LEMD2: variants seen among roughly 807,000 people sequenced by gnomAD.
LEMD2 encodes the protein LEM domain-containing protein 2.
LEMD2 carries 34 observed loss-of-function variants against 58.8 expected under a neutral mutation model. The ratio of observed to expected loss-of-function variants is 0.58; its 90% CI spans 0.44 to 0.77. LEMD2 has a LOEUF of 0.77. LEMD2 is among the 30% of genes least tolerant of loss of function. LEMD2 has a pLI of 0.00. For missense variants in LEMD2, 629 were observed against 717.9 expected (o/e 0.88, Z 1.42); for synonymous variants, 298 against 308.9 (o/e 0.96, Z 0.37).
At chr6:33,780,299 T>G in intron 4 of LEMD2, 120 bp from the exon 5 acceptor site, 1 of 860,044 alleles carries the variant, frequency 1.2e-6, no homozygotes, top group South Asian at 1.4e-5. Context: ...AACCCTGTTC[T>G]GCTAAAAGCA....
intron 8 of LEMD2, among the ~76,000 whole-genome samples, chr6:33,775,895 C>T (rs993966197): frequency 7.2e-5 from 11 of 152,202 alleles, no homozygotes; most frequent in African/African-American, 2.4e-4. Flanking sequence ...CAAGGGTGAG[C>T]TCTCAGCATC....
In LEMD2 at chr6:33,776,979, C is replaced by T. The variant is rs766682595; in HGVS notation, c.1336G>A (p.Asp446Asn). The change falls in exon 8 of 9, where the codon GAC becomes AAC. Residue 446 changes from aspartate (D) to asparagine (N), a missense_variant. Asp to Asn is a conservative substitution (Grantham distance 23, BLOSUM62 1). Transcript: ENST00000293760. The part of the protein sequence containing the change: ...YPYVGILHVR[D>N]SLIPPQSRRR... ...CGGCTCTGTGGAGGGATCAAGCTGT[C>T]GCGCACGTGCAGGATGCCTACATAT... is the stretch of plus-strand genomic sequence containing the variant. 5 of 1,613,842 alleles carry T rather than the reference C, an allele frequency of 3.1e-6. No individual in the cohort carries two copies. The highest frequency in any genetic ancestry group is 1.7e-5 in the Admixed American group (1 of 60,016).
rs1001143148 is a variant in LEMD2 at position 33,772,448 on chromosome 6, C to T, written c.*180G>A. The T allele has an allele frequency of 1.3e-4, 72 of 558,130 alleles. No homozygotes were observed. Among genetic ancestry groups the T allele is most frequent in the Non-Finnish European group, 1.2e-5 (4 of 324,252 alleles). The allele number at this position is 558,130 out of a possible 1,614,324, so 34.6% of individuals were successfully genotyped here. On this transcript the variant is annotated 3_prime_UTR_variant, in exon 9 of 9. Transcript: ENST00000293760. ...TCTCCCCCTCCCTTTAAAGGAAGCCCACATTTTCCTGCGAGCCGAACTCCT... is the reference window on the plus strand; with the variant it reads ...TCTCCCCCTCCCTTTAAAGGAAGCCTACATTTTCCTGCGAGCCGAACTCCT...
At chr6:33,788,279 G>T in intron 1 of LEMD2, 102 bp downstream of exon 1, 1 of 1,238,492 alleles carries the variant, frequency 8.1e-7, no homozygotes, top group Non-Finnish European at 1.1e-6. Flanking sequence ...AGAGGCAGCT[G>T]ACAAGGCCGG....
rs758804005 is a variant in LEMD2, at chr6:33,784,440, G to A, written c.778-13C>T. The A allele has an allele frequency of 3.2e-5, 35 of 1,079,946 alleles. No individual in the cohort carries two copies. The highest frequency in any genetic ancestry group is 3.9e-5 in the Non-Finnish European group (30 of 771,152). The allele number at this position is 1,079,946 out of a possible 1,614,324, so 66.9% of individuals were successfully genotyped here. Reference sequence around the variant, plus strand: ...TGGCCTGACAGAACTGGAAAGGCACGGGACAAGTGGTCAGCAAGGAGGGGT... The same window carrying A: ...TGGCCTGACAGAACTGGAAAGGCACAGGACAAGTGGTCAGCAAGGAGGGGT... On this transcript the variant is annotated splice_polypyrimidine_tract_variant and intron_variant, in intron 2 of 8. Coordinates refer to ENST00000293760, the MANE Select transcript of LEMD2 (RefSeq NM_181336.4).
chr6:33,777,114 T>A (rs1176482423), intron 7 of LEMD2, 24 bp downstream of exon 7: 2 of 1,610,414 alleles, frequency 1.2e-6, no homozygotes. Flanking sequence ...TCGGCAACCC[T>A]TTATTCACCA....
At position 33,781,057 on chromosome 6, in the gene LEMD2, A is replaced by C. The variant is rs757303308; in HGVS notation, c.930+20T>G. The stretch of plus-strand genomic sequence containing the variant: ...GCACCAGGCCCTCCCAGGAATGTAT[A>C]AGCACTGAAGCCTACTTACGGCTAT... On this transcript the variant is annotated intron_variant, in intron 4 of 8. Coordinates refer to ENST00000293760, the MANE Select transcript of LEMD2 (RefSeq NM_181336.4). 6.4e-7 allele frequency: 1 copy of C among 1,567,594 alleles called. No individual in the cohort carries two copies. The highest frequency in any genetic ancestry group is 1.7e-5 in the Admixed American group (1 of 59,370).
At chr6:33,784,477 G>GGGGGCCCCCCCCCC in intron 2 of LEMD2, 50 bp from the exon 3 acceptor site, 1 of 430,810 alleles carries the variant, frequency 2.3e-6, no homozygotes, top group East Asian at 7.6e-5. Context: ...GGTGGGAGGG[G>GGGGGCCCCCCCCCC]TCCGTCTGTC....
chr6:33,785,938 A>C (rs1767666621), intron 2 of LEMD2, among the ~76,000 whole-genome samples: 1 of 152,266 alleles, frequency 6.6e-6, no homozygotes, highest in South Asian at 2.1e-4. Context: ...TGAGTAAGAC[A>C]GTCAATGCAG....
In LEMD2 at chr6:33,788,940, C is replaced by A. The variant is rs1024149172; in HGVS notation, c.177G>T (p.Glu59Asp). 4.7e-6 allele frequency: 7 copies of A among 1,505,122 alleles called. No homozygotes were observed. The highest frequency in any genetic ancestry group is 2.0e-4 in the Middle Eastern group (1 of 5,016). The allele number at this position is 1,505,122 out of a possible 1,614,324, so 93.2% of individuals were successfully genotyped here. ...ACCGGGCCTCTTCCCGTAACCGCTC[C>A]TCGCCCCGCGGCCGGGCCTCCTCCC... is the stretch of plus-strand genomic sequence containing the variant. The part of the protein sequence containing the change: ...RLREEARPRG[E>D]ERLREEARLR... The change falls in exon 1 of 9, where the codon GAG (glutamate) becomes GAT (aspartate). Residue 59 changes from glutamate (E) to aspartate (D), a missense_variant. Glu to Asp is a conservative substitution (Grantham distance 45). Around this residue, in one of 2 missense-constraint regions of LEMD2, gnomAD observed 386 missense variants for 381.1 expected, o/e 1.01. Coordinates refer to ENST00000293760, the MANE Select transcript of LEMD2 (RefSeq NM_181336.4).
intron 3 of LEMD2, chr6:33,781,402 C>A: frequency 2.0e-6 from 1 of 488,612 alleles, no homozygotes; most frequent in Non-Finnish European, 3.6e-6. Flanking sequence ...AAAAAGCTGC[C>A]CAATAGCAAG....
chr6:33,786,391 G>C (rs1422545950), intron 2 of LEMD2, among the ~76,000 whole-genome samples: 1 of 152,098 alleles, frequency 6.6e-6, no homozygotes, highest in Non-Finnish European at 1.5e-5. Context: ...TAGAAACGCC[G>C]GCCCTTCCTC....
rs9469588 is a variant in LEMD2, at chr6:33,778,735, T to C, written c.1011-348A>G. On this transcript the variant is annotated intron_variant, in intron 5 of 8. Coordinates refer to ENST00000293760, the MANE Select transcript of LEMD2 (RefSeq NM_181336.4). The surrounding 1 kb of genome is among the most constrained non-coding windows in gnomAD (Gnocchi z 4.7). Reference sequence around the variant, plus strand: ...GAAATGTTTACTGAATCACTAGCTTTGCAATTGCATGGCAAGAACTGAAAG... The same window carrying C: ...GAAATGTTTACTGAATCACTAGCTTCGCAATTGCATGGCAAGAACTGAAAG... 4.0e-4 allele frequency: 75 copies of C among 185,566 alleles called. No homozygotes were observed. The highest frequency in any genetic ancestry group is 1.8e-3 in the African/African-American group (75 of 42,846). The allele number at this position is 185,566 out of a possible 1,614,324, so 11.5% of individuals were successfully genotyped here.
In LEMD2 at chr6:33,777,208, G is replaced by A; in HGVS notation, c.1188C>T (p.Leu396=). Residue 396 remains leucine (L), a synonymous_variant, in exon 7 of 9, where the codon CTC becomes CTT. Transcript: ENST00000293760. ...CLAFLWGLLI[L]LKYRWRKLEE... ...CTAACTTTCGCCACCGATATTTTAG[G>A]AGAATTAGGAGCCCCCACAAAAAAG... The A allele has an allele frequency of 6.2e-7, 1 of 1,614,072 alleles. No individual in the cohort carries two copies. The highest frequency in any genetic ancestry group is 8.5e-7 in the Non-Finnish European group (1 of 1,179,996).
In LEMD2 at chr6:33,788,571, G is replaced by C. The variant is rs2127384294; in HGVS notation, c.546C>G (p.Arg182=). 1.4e-6 allele frequency: 2 copies of C among 1,392,842 alleles called. No individual in the cohort carries two copies. The highest frequency in any genetic ancestry group is 6.0e-5 in the East Asian group (2 of 33,102). The allele number at this position is 1,392,842 out of a possible 1,614,324, so 86.3% of individuals were successfully genotyped here. Residue 182 remains arginine (R), a synonymous_variant, in exon 1 of 9, where the codon CGC becomes CGG. Coordinates refer to ENST00000293760, the MANE Select transcript of LEMD2 (RefSeq NM_181336.4). ...CCGCTCGAGTCGCCCGCAGGCCCGG[G>C]CGCGGGTCGGGACCGAGGAGGGAGG... ...LPSSLLGPDP[R]PGLRATRAGP...
chr6:33,786,986 C>G (rs1767691844), intron 1 of LEMD2: 5 of 1,127,770 alleles, frequency 4.4e-6, no homozygotes, highest in Non-Finnish European at 6.0e-6. Context: ...ATAGCTGGGT[C>G]CTTGTCCCAG....
chr6:33,784,203 A>G, intron 3 of LEMD2, 149 bp downstream of exon 3: 1 of 700,446 alleles, frequency 1.4e-6, no homozygotes, highest in Non-Finnish European at 2.6e-6. Context: ...AGGAGGCGAG[A>G]AGGTGAGACT....
Position 33,784,824 on chromosome 6 carries a change from G to A in LEMD2, c.778-397C>T, listed in dbSNP as rs180771811. Among the ~76,000 whole-genome samples, 356 of 152,316 alleles carry A rather than the reference G, an allele frequency of 2.3e-3. 1 individual carries two copies. The highest frequency in any genetic ancestry group is 4.6e-3 in the Admixed American group (71 of 15,304). Reference sequence around the variant, plus strand: ...CTGCTGTCGGAGTTTGCAGAGATGGGAGAGCTGGAAGAGCTAGGAGAGCTT... The same window carrying A: ...CTGCTGTCGGAGTTTGCAGAGATGGAAGAGCTGGAAGAGCTAGGAGAGCTT... On this transcript the variant is annotated intron_variant, in intron 2 of 8. Transcript: ENST00000293760.
chr6:33,779,004 G>A (rs1767503645), intron 5 of LEMD2: 1 of 152,164 alleles, frequency 6.6e-6, no homozygotes, highest in Non-Finnish European at 1.5e-5. Context: ...GGTGACCCAG[G>A]GCGAGAATAT....
Sources: allele counts gnomAD v4.1 joint callset (sites outside exome capture counted in the v4.1 genomes callset), GRCh38; gene constraint gnomAD v4.1.1; regional missense constraint gnomAD v4.1.1; non-coding constraint Gnocchi (gnomAD v3.1); transcripts MANE v1.5; gene names NCBI Gene and HGNC (gene_info 2026-07-23, HGNC 2026-07-21).